SLC38A6: variants seen among roughly 807,000 people sequenced by gnomAD.
SLC38A6 encodes the protein N system amino acid transporter NAT-1.
Under a neutral mutation model 65.0 loss-of-function variants are expected in SLC38A6, and 73 were observed. That is an observed-to-expected ratio of 1.12 (90% CI 0.93 to 1.37). SLC38A6 has a LOEUF of 1.37. Among genes scored for constraint, SLC38A6 ranks in the 40% most tolerant of loss-of-function variants. The pLI, the probability that SLC38A6 is intolerant of heterozygous loss-of-function variation, is 0.00. For synonymous variants in SLC38A6, 183 were observed against 178.8 expected, an observed-to-expected ratio of 1.02 and a Z score of -0.19; for missense variants, 561 against 531.1, an observed-to-expected ratio of 1.06 and a Z score of -0.55.
At chr14:61,018,500 G>T (rs1483022015) in intron 4 of SLC38A6, among the ~76,000 whole-genome samples, 3 of 152,148 alleles carry the variant, frequency 2.0e-5, no homozygotes, top group Non-Finnish European at 1.5e-5. Flanking sequence ...GCCACTGATA[G>T]AATTCCTAAC....
intron 15 of SLC38A6, among the ~76,000 whole-genome samples, chr14:61,064,170 A>T (rs1323518636): frequency 1.3e-5 from 2 of 152,164 alleles, no homozygotes; most frequent in East Asian, 1.9e-4. Flanking sequence ...GAAACTAGGC[A>T]CTTAGAATGG....
At chr14:61,029,499 T>C (rs994487581) in intron 5 of SLC38A6, among the ~76,000 whole-genome samples, 3 of 151,706 alleles carry the variant, frequency 2.0e-5, no homozygotes, top group Non-Finnish European at 4.4e-5. Flanking sequence ...AAGAGAATCT[T>C]ACTCTGTTAA....
chr14:61,052,478 A>G lies in SLC38A6; in HGVS notation c.*49A>G. The G allele has an allele frequency of 6.6e-7, 1 of 1,521,602 alleles. No homozygotes were observed. Among genetic ancestry groups the G allele is most frequent in the South Asian group, 1.3e-5 (1 of 74,622 alleles). The allele number at this position is 1,521,602 out of a possible 1,614,324, so 94.3% of individuals were successfully genotyped here. A position where few individuals can be genotyped will look rare whatever the true frequency, so the allele number is the denominator to read the frequency against. ...CAAGAATAATATACCCCTAGTTGCA[A>G]GAATGAATTATTCCGGAAGACACCC... On this transcript the variant is annotated 3_prime_UTR_variant, in exon 16 of 16. Coordinates refer to ENST00000267488, the MANE Select transcript of SLC38A6 (RefSeq NM_153811.3).
intron 3 of SLC38A6, 107 bp from the exon 4 acceptor site, chr14:61,015,797 A>G: frequency 1.3e-6 from 1 of 741,250 alleles, no homozygotes. Flanking sequence ...GGCCTGGATC[A>G]TAAGAATTAT....
In SLC38A6 at chr14:61,067,236, C is replaced by T. The variant is rs565534427; in HGVS notation, c.1291-11574C>T. 2.6e-4 allele frequency among the ~76,000 whole-genome samples: 39 copies of T among 152,272 alleles called. 2 individuals carry two copies. In the South Asian group the frequency reaches 7.7e-3, roughly 30 times the overall value. On this transcript the variant is annotated intron_variant, in intron 15 of 16. Transcript: ENST00000354886. Reference sequence around the variant, plus strand: ...AACTTGCTGAAGACTCAATATTTGACTGGGTTTTCTCTCAACCAGAGGAAA... The same window carrying T: ...AACTTGCTGAAGACTCAATATTTGATTGGGTTTTCTCTCAACCAGAGGAAA...
intron 3 of SLC38A6, among the ~76,000 whole-genome samples, chr14:60,991,318 A>T (rs1419278999): frequency 6.6e-6 from 1 of 152,152 alleles, no homozygotes; most frequent in East Asian, 1.9e-4. Flanking sequence ...TTTTTATCTT[A>T]TGTAACATAT....
intron 8 of SLC38A6, among the ~76,000 whole-genome samples, chr14:61,038,328 CCTT>C (rs1425749981): frequency 3.3e-5 from 5 of 151,572 alleles, no homozygotes; most frequent in African/African-American, 1.2e-4. Flanking sequence ...AAATTTATTT[CCTT>C]CTAATTCTTC....
intron 3 of SLC38A6, among the ~76,000 whole-genome samples, chr14:61,001,258 G>T (rs2038691367): frequency 6.6e-6 from 1 of 152,168 alleles, no homozygotes; most frequent in Non-Finnish European, 1.5e-5. Flanking sequence ...ACACAGGACA[G>T]CCCCCAACAA....
At chr14:60,983,624 TC>T (rs5809075) in intron 2 of SLC38A6, among the ~76,000 whole-genome samples, 1,952 of 152,354 alleles carry the variant, frequency 0.013, 21 homozygotes, top group Non-Finnish European at 0.019. Context: ...CTAGGGAGTC[TC>T]TTTTATGTTT....
intron 3 of SLC38A6, among the ~76,000 whole-genome samples, chr14:60,985,939 C>T (rs559428210): frequency 2.6e-4 from 39 of 152,304 alleles, no homozygotes; most frequent in Non-Finnish European, 4.7e-4. Context: ...ACAACCAGCT[C>T]TCATGAAACT....
chr14:61,050,415 T>TA, intron 12 of SLC38A6, 97 bp from the exon 13 acceptor site: 1 of 788,966 alleles, frequency 1.3e-6, no homozygotes, highest in Non-Finnish European at 1.8e-6. Flanking sequence ...AATGGGAATC[T>TA]AAAATCTGTT....
intron 15 of SLC38A6, 31 bp from the exon 16 acceptor site, chr14:61,052,318 T>G (rs781363153): frequency 2.0e-6 from 3 of 1,513,988 alleles, no homozygotes; most frequent in Non-Finnish European, 2.7e-6. Flanking sequence ...TTTATCTTTC[T>G]TATCTTTTAT....
chr14:61,004,323 C>G (rs1239776949), intron 3 of SLC38A6: 5 of 152,088 alleles, frequency 3.3e-5, no homozygotes, highest in Admixed American at 2.6e-4. Flanking sequence ...ACCTTGATGA[C>G]TTGCTCACTG....
intron 3 of SLC38A6, among the ~76,000 whole-genome samples, chr14:61,005,189 A>T (rs1486278312): frequency 6.6e-6 from 1 of 152,190 alleles, no homozygotes; most frequent in Non-Finnish European, 1.5e-5. Context: ...TCTCCAAATT[A>T]GAAGAGCTAT....
intron 15 of SLC38A6, among the ~76,000 whole-genome samples, chr14:61,061,747 A>C (rs917291680): frequency 6.6e-6 from 1 of 152,170 alleles, no homozygotes; most frequent in Non-Finnish European, 1.5e-5. Flanking sequence ...TTATCCATTC[A>C]CCTGTTGAAA....
chr14:61,009,200 C>A (rs2039367249), intron 3 of SLC38A6, among the ~76,000 whole-genome samples: 1 of 152,148 alleles, frequency 6.6e-6, no homozygotes, highest in Non-Finnish European at 1.5e-5. Context: ...AATTTAAAAT[C>A]TTTCAGAATG....
At chr14:60,982,673 T>C (rs2139662346) in intron 2 of SLC38A6, 35 bp downstream of exon 2, 2 of 1,585,518 alleles carry the variant, frequency 1.3e-6, no homozygotes, top group Non-Finnish European at 1.7e-6. Flanking sequence ...AATTTTTTTT[T>C]CCATTTTGAT....
rs540128951 is a variant in SLC38A6, at chr14:61,051,084, G to T, written c.1050+448G>T. ...AAAATATTTTATTTGCTCTAGAATTGTAATTTAAGGGGCAAAACAGATTTT... is the reference window on the plus strand; with the variant it reads ...AAAATATTTTATTTGCTCTAGAATTTTAATTTAAGGGGCAAAACAGATTTT... On this transcript the variant is annotated intron_variant, in intron 13 of 15. Coordinates refer to ENST00000267488, the MANE Select transcript of SLC38A6 (RefSeq NM_153811.3). Among the ~76,000 whole-genome samples the T allele has an allele frequency of 2.6e-5, 4 of 152,248 alleles. No individual in the cohort carries two copies. The South Asian group carries it at 8.3e-4, about 32-fold the overall frequency.
At chr14:60,989,904 C>T (rs1378555284) in intron 3 of SLC38A6, among the ~76,000 whole-genome samples, 2 of 152,184 alleles carry the variant, frequency 1.3e-5, no homozygotes, top group African/African-American at 4.8e-5. Context: ...AGACAAGTCA[C>T]GCTTTCCTAG....
Sources: gnomAD v4.1 joint callset for allele counts (sites outside exome capture counted in the v4.1 genomes callset) on GRCh38, gnomAD v4.1.1 for gene constraint, MANE v1.5 for transcripts, NCBI Gene and HGNC (gene_info 2026-07-23, HGNC 2026-07-21) for gene names.